The following NECTIN1 variants were observed in gnomAD, a reference collection of about 807,000 sequenced individuals.
NECTIN1 encodes the protein nectin-1.
In NECTIN1, 23 loss-of-function variants were observed where a neutral mutation model predicts 48.0. The ratio of observed to expected loss-of-function variants is 0.48; its 90% confidence interval spans 0.34 to 0.68. NECTIN1 has a LOEUF of 0.68. Among genes scored for constraint, NECTIN1 ranks in the 30% least tolerant of loss-of-function variants. The pLI, the probability that NECTIN1 is intolerant of heterozygous loss-of-function variation, is 0.01. For missense variants in NECTIN1, 591 were observed against 709.9 expected, an observed-to-expected ratio of 0.83 and a Z score of 1.90; for synonymous variants, 270 against 288.9, an observed-to-expected ratio of 0.93 and a Z score of 0.66.
chr11:119,696,282 C>A (rs902060920), intron 1 of NECTIN1, among the ~76,000 whole-genome samples: 1 of 151,924 alleles, frequency 6.6e-6, no homozygotes, highest in African/African-American at 2.4e-5. Context: ...AGGTTGGTGT[C>A]CCCCGCACAG....
chr11:119,646,470 C>T (rs1223573772), intron 5 of NECTIN1, among the ~76,000 whole-genome samples: 1 of 152,244 alleles, frequency 6.6e-6, no homozygotes, highest in East Asian at 1.9e-4. Context: ...ATCTCGGCTG[C>T]TTCACCTGTG....
intron 1 of NECTIN1, among the ~76,000 whole-genome samples, chr11:119,723,941 G>A (rs1266769726): frequency 6.6e-6 from 1 of 152,136 alleles, no homozygotes; most frequent in African/African-American, 2.4e-5. Flanking sequence ...TGGGCACAGG[G>A]TGCTGGGCTC....
At chr11:119,685,352 G>A (rs536892828) in intron 1 of NECTIN1, among the ~76,000 whole-genome samples, 24 of 152,370 alleles carry the variant, frequency 1.6e-4, no homozygotes, top group Non-Finnish European at 2.8e-4. Context: ...TTGGGCGGGT[G>A]AGCACAGTGC....
intron 1 of NECTIN1, among the ~76,000 whole-genome samples, chr11:119,707,828 C>T (rs1029604692): frequency 1.3e-5 from 2 of 152,206 alleles, no homozygotes; most frequent in Non-Finnish European, 2.9e-5. Flanking sequence ...CTATCCATCA[C>T]CTCGACACTC....
At chr11:119,654,786 G>T (rs1441049570) in intron 5 of NECTIN1, among the ~76,000 whole-genome samples, 1 of 152,060 alleles carries the variant, frequency 6.6e-6, no homozygotes, top group Non-Finnish European at 1.5e-5. Flanking sequence ...GGCCAGGCTG[G>T]TCTCAAACTC....
At chr11:119,639,663 G>A in intron 6 of NECTIN1, 1 of 641,636 alleles carries the variant, frequency 1.6e-6, no homozygotes, top group Non-Finnish European at 2.7e-6. Flanking sequence ...CTTTTGAACT[G>A]GGGCGGTGCC....
chr11:119,640,074 A>G, intron 5 of NECTIN1: 1 of 1,486,334 alleles, frequency 6.7e-7, no homozygotes. Context: ...AAAGAGAGTC[A>G]GAGATGTGAG....
intron 1 of NECTIN1, among the ~76,000 whole-genome samples, chr11:119,706,566 C>A (rs1865551787): frequency 6.6e-6 from 1 of 152,162 alleles, no homozygotes; most frequent in Non-Finnish European, 1.5e-5. Flanking sequence ...TTGTGTTTCC[C>A]CCTAGAAAAT....
chr11:119,715,977 C>A (rs1214799715), intron 1 of NECTIN1, among the ~76,000 whole-genome samples: 1 of 152,212 alleles, frequency 6.6e-6, no homozygotes, highest in African/African-American at 2.4e-5. Flanking sequence ...GAGTGAATGC[C>A]AGGATGAACC....
chr11:119,715,474 G>T (rs1865729328), intron 1 of NECTIN1, among the ~76,000 whole-genome samples: 1 of 152,118 alleles, frequency 6.6e-6, no homozygotes, highest in Admixed American at 6.5e-5. Flanking sequence ...TCCTGCCTCA[G>T]CCTCCTGAGT....
rs1457530453 is a variant in NECTIN1, at chr11:119,665,601, G to C, written c.1004-304C>G. Among the ~76,000 whole-genome samples the C allele has an allele frequency of 1.3e-5, 2 of 152,098 alleles. No homozygotes were observed. Among genetic ancestry groups the C allele is most frequent in the Non-Finnish European group, 2.9e-5 (2 of 68,020 alleles). ...CTGGCCCAGCTCAATCCCTATTCAT[G>C]GTGCAGTGAGACACGTGTGCCAGTT... On this transcript the variant is annotated intron_variant, in intron 5 of 5. Transcript: ENST00000264025. The surrounding 1 kb of genome is among the most constrained non-coding windows in gnomAD (Gnocchi z 5.1).
Position 119,677,046 on chromosome 11 carries a change from A to C in NECTIN1, c.851+56T>G. On this transcript the variant is annotated intron_variant, in intron 4 of 5. Transcript: ENST00000264025. This position sits in a 1 kb window ranked among gnomAD's most constrained non-coding sequence, Gnocchi z 5.4. ...GGAGGTAGGATGGTTGCCCCTCATCACCCGTGGTCCAGTCAGCTGTCTTCC... is the reference window on the plus strand; with the variant it reads ...GGAGGTAGGATGGTTGCCCCTCATCCCCCGTGGTCCAGTCAGCTGTCTTCC... 2 of 1,466,498 alleles carry C rather than the reference A, an allele frequency of 1.4e-6. No individual in the cohort carries two copies. The highest frequency in any genetic ancestry group is 1.9e-6 in the Non-Finnish European group (2 of 1,045,940). The allele number at this position is 1,466,498 out of a possible 1,614,324, so 90.8% of individuals were successfully genotyped here.
intron 1 of NECTIN1, among the ~76,000 whole-genome samples, chr11:119,687,748 CT>C (rs1218939825): frequency 6.6e-6 from 1 of 152,224 alleles, no homozygotes; most frequent in African/African-American, 2.4e-5. Flanking sequence ...GCCCCGCAGG[CT>C]TCAGGCTGAT....
chr11:119,659,852 A>G (rs1259287233), downstream of NECTIN1, among the ~76,000 whole-genome samples: 2 of 152,260 alleles, frequency 1.3e-5, no homozygotes, highest in Non-Finnish European at 2.9e-5. Context: ...TTACGCATTT[A>G]TTGCCTGCAC....
At chr11:119,674,545 C>T (rs1315987182) in intron 5 of NECTIN1, 1 of 1,614,166 alleles carries the variant, frequency 6.2e-7, no homozygotes, top group Non-Finnish European at 8.5e-7. Flanking sequence ...TCACAGCTGT[C>T]TGACATCAAG....
At chr11:119,648,226 A>ATGATGGTGG (rs1453572676) in intron 5 of NECTIN1, among the ~76,000 whole-genome samples, 1 of 78,410 alleles carries the variant, frequency 1.3e-5, no homozygotes, top group Non-Finnish European at 2.7e-5. Flanking sequence ...GGTGGCAGTG[A>ATGATGGTGG]TGATGGTGGT....
At chr11:119,719,708 C>T (rs969496986) in intron 1 of NECTIN1, among the ~76,000 whole-genome samples, 3 of 152,202 alleles carry the variant, frequency 2.0e-5, no homozygotes, top group Non-Finnish European at 4.4e-5. Context: ...TCCCCTATGC[C>T]AGGCCCTGGA....
chr11:119,716,459 T>A (rs1391262024), intron 1 of NECTIN1, among the ~76,000 whole-genome samples: 1 of 152,212 alleles, frequency 6.6e-6, no homozygotes, highest in African/African-American at 2.4e-5. Flanking sequence ...TCTTATCATC[T>A]CATCCCATTG....
rs371262236 is a variant in NECTIN1, at chr11:119,667,941, G to A, written c.1004-2644C>T. ...AAGGGTCAGCAAAAATAGGGGGGTC[G>A]AGATGTTGGCTTAGACAAAAGCATC... On this transcript the variant is annotated intron_variant, in intron 5 of 5. Coordinates refer to ENST00000264025, the MANE Select transcript of NECTIN1 (RefSeq NM_002855.5). Among the ~76,000 whole-genome samples, 30 of 152,288 alleles carry A rather than the reference G, an allele frequency of 2.0e-4. No homozygotes were observed. The East Asian group carries it at 3.7e-3, about 19-fold the overall frequency.
Sources: allele counts gnomAD v4.1 joint callset (sites outside exome capture counted in the v4.1 genomes callset), GRCh38; gene constraint gnomAD v4.1.1; non-coding constraint Gnocchi (gnomAD v3.1); transcripts MANE v1.5; gene names NCBI Gene and HGNC (gene_info 2026-07-23, HGNC 2026-07-21).